Variants in KIR3DL1 observed in about 807,000 individuals in gnomAD.
KIR3DL1 encodes the protein killer cell immunoglobulin-like receptor 3DL1.
KIR3DL1 carries 50 observed loss-of-function variants against 40.3 expected under a neutral mutation model. That is an observed-to-expected ratio of 1.24 (90% CI 0.99 to 1.57). The LOEUF is 1.57. Ranked by LOEUF, KIR3DL1 falls within the 40% of genes most tolerant of loss-of-function variation. The probability of loss-of-function intolerance (pLI) is 0.00; values close to 1 mark genes in which losing one functional copy is unlikely to be tolerated. For missense variants in KIR3DL1, 661 were observed against 559.9 expected, an observed-to-expected ratio of 1.18 and a Z score of -1.82; for synonymous variants, 257 against 207.2, an observed-to-expected ratio of 1.24 and a Z score of -2.07.
At chr19:54,828,957 T>G (rs1289611583) in intron 6 of KIR3DL1, among the ~76,000 whole-genome samples, 2 of 140,778 alleles carry the variant, frequency 1.4e-5, no homozygotes, top group Non-Finnish European at 3.1e-5. Context: ...GGGGGAGCAA[T>G]GGAGCTTCCA....
At chr19:54,819,287 A>G (rs200407247) in intron 3 of KIR3DL1, among the ~76,000 whole-genome samples, 14,846 of 129,994 alleles carry the variant, frequency 0.11, 1,085 homozygotes, top group South Asian at 0.19. Flanking sequence ...GGATAGCCAG[A>G]TGTGGTGGTG....
rs2061947821 is a variant in KIR3DL1 at position 54,827,224 on chromosome 19, T to C, written c.1001-2137T>C. Among the ~76,000 whole-genome samples, 3 of 151,404 alleles carry C rather than the reference T, an allele frequency of 2.0e-5. No individual in the cohort carries two copies. The South Asian group carries it at 6.2e-4, about 31-fold the overall frequency. ...ATTTCTTTCTGAGATTTATTCCTCC[T>C]ACACATAAATCAATACCTGGCAAAG... On this transcript the variant is annotated intron_variant, in intron 6 of 8. Coordinates refer to ENST00000391728, the Ensembl canonical transcript of KIR3DL1.
intron 3 of KIR3DL1, among the ~76,000 whole-genome samples, chr19:54,819,442 G>C (rs1429436335): frequency 6.6e-6 from 1 of 151,186 alleles, no homozygotes; most frequent in Non-Finnish European, 1.5e-5. Context: ...GCAGGAAAGA[G>C]ATTAGTGGGA....
rs1414506660 is a variant in KIR3DL1 at position 54,824,412 on chromosome 19, C to T, written c.950-616C>T. 2.6e-5 allele frequency among the ~76,000 whole-genome samples: 4 copies of T among 151,608 alleles called. No homozygotes were observed. The East Asian group carries it at 5.8e-4, about 22-fold the overall frequency. On this transcript the variant is annotated intron_variant, in intron 5 of 8. Transcript: ENST00000391728. ...ATTAAATGGGCTGGGTATGGTGGCT[C>T]ACACCTGCAATTCCAGCACTTTGGG...
intron 5 of KIR3DL1, among the ~76,000 whole-genome samples, chr19:54,822,452 T>A (rs1332182326): frequency 6.6e-6 from 1 of 150,624 alleles, no homozygotes; most frequent in Non-Finnish European, 1.5e-5. Flanking sequence ...TGTGGGAAAT[T>A]CATCTTTACT....
intron 1 of KIR3DL1, 102 bp from the exon 2 acceptor site, chr19:54,817,432 G>A (rs2061406385): frequency 1.9e-6 from 2 of 1,027,020 alleles, no homozygotes; most frequent in African/African-American, 1.8e-5. Flanking sequence ...TTTACCTTCA[G>A]CCCAGCAAGG....
chr19:54,830,273 T>A (rs747476666), exon 9 of KIR3DL1: 1 of 1,513,564 alleles, frequency 6.6e-7, no homozygotes, highest in Admixed American at 1.8e-5. Flanking sequence ...CTCCTGCCCA[T>A]GAGCACCACA....
rs757666933 is a variant in KIR3DL1 at position 54,820,039 on chromosome 19, T to C, written c.655+27T>C. On this transcript the variant is annotated intron_variant, in intron 4 of 8. Transcript: ENST00000391728. ...TGAGAGTGTCTAGACATTGTTCTCATTGTCACTGGGACACAGAGTGAATGA... is the reference window on the plus strand; with the variant it reads ...TGAGAGTGTCTAGACATTGTTCTCACTGTCACTGGGACACAGAGTGAATGA... The C allele has an allele frequency of 4.3e-5, 68 of 1,599,522 alleles. No individual in the cohort carries two copies. The South Asian group carries it at 7.0e-4, about 16-fold the overall frequency.
intron 6 of KIR3DL1, among the ~76,000 whole-genome samples, chr19:54,828,826 A>G (rs1017537726): frequency 7.0e-6 from 1 of 143,238 alleles, no homozygotes; most frequent in African/African-American, 2.5e-5. Flanking sequence ...TACTGGAAGC[A>G]TGGCACCAGC....
intron 6 of KIR3DL1, among the ~76,000 whole-genome samples, chr19:54,828,667 G>C (rs1328931327): frequency 6.7e-6 from 1 of 149,896 alleles, no homozygotes; most frequent in Non-Finnish European, 1.5e-5. Flanking sequence ...CCTCCAGGAA[G>C]AACAGGAAGA....
intron 3 of KIR3DL1, among the ~76,000 whole-genome samples, chr19:54,819,278 G>T (rs2061511188): frequency 7.4e-6 from 1 of 134,566 alleles, no homozygotes; most frequent in Non-Finnish European, 1.7e-5. Flanking sequence ...ACCAAACAAG[G>T]ATAGCCAGAT....
intron 5 of KIR3DL1, 152 bp from the exon 6 acceptor site, chr19:54,824,876 C>G (rs959778108): frequency 5.2e-6 from 4 of 773,730 alleles, no homozygotes; most frequent in Non-Finnish European, 8.8e-6. Flanking sequence ...CAGTGGGCAT[C>G]GCACACAAAA....
rs1485754137 is a variant in KIR3DL1, at chr19:54,821,052, T to G, written c.656-513T>G. Reference sequence around the variant, plus strand: ...CATAGATATATACATAGATGATACATAAATAGAGACAGAGAGGCAGACAGA... The same window carrying G: ...CATAGATATATACATAGATGATACAGAAATAGAGACAGAGAGGCAGACAGA... On this transcript the variant is annotated intron_variant, in intron 4 of 8. Transcript: ENST00000391728. Among the ~76,000 whole-genome samples the G allele has an allele frequency of 1.3e-5, 2 of 149,340 alleles. 1 individual carries two copies. The highest frequency in any genetic ancestry group is 5.0e-5 in the African/African-American group (2 of 40,336).
chr19:54,828,909 C>A (rs1224684397), intron 6 of KIR3DL1, among the ~76,000 whole-genome samples: 3 of 141,604 alleles, frequency 2.1e-5, no homozygotes, highest in Non-Finnish European at 3.1e-5. Flanking sequence ...TGTGCAGAGA[C>A]CACAGAGATC....
intron 3 of KIR3DL1, 61 bp downstream of exon 3, chr19:54,818,660 TG>T (rs2061480109): frequency 4.5e-6 from 7 of 1,565,444 alleles, no homozygotes; most frequent in Non-Finnish European, 5.2e-6. Flanking sequence ...GAGCTTCTGG[TG>T]GGGGTGTCCG....
At chr19:54,821,925 G>A in intron 5 of KIR3DL1, 67 bp downstream of exon 5, 1 of 1,520,788 alleles carries the variant, frequency 6.6e-7, no homozygotes, top group South Asian at 1.1e-5. Flanking sequence ...GCTTCCTGCT[G>A]ATGATGGAGA....
At chr19:54,828,646 C>A (rs2062033460) in intron 6 of KIR3DL1, among the ~76,000 whole-genome samples, 1 of 150,386 alleles carries the variant, frequency 6.6e-6, no homozygotes, top group East Asian at 1.9e-4. Context: ...TAAAGCACTG[C>A]ATGACGTCCT....
intron 6 of KIR3DL1, among the ~76,000 whole-genome samples, chr19:54,827,470 A>G (rs1289109771): frequency 6.7e-6 from 1 of 150,322 alleles, no homozygotes; most frequent in East Asian, 2.0e-4. Context: ...AAATTAGCCG[A>G]GCATGGTGGT....
rs1457950986 is a variant in KIR3DL1, at chr19:54,817,503, A to T, written c.35-31A>T. On this transcript the variant is annotated intron_variant, in intron 1 of 8. Transcript: ENST00000391728. Reference sequence around the variant, plus strand: ...GCAGGGTGCCCTGGTTTGCCTGCAGAGGGATGGTCCATCATGATCTTTCTT... The same window carrying T: ...GCAGGGTGCCCTGGTTTGCCTGCAGTGGGATGGTCCATCATGATCTTTCTT... The T allele has an allele frequency of 2.0e-5, 30 of 1,484,412 alleles. 1 individual carries two copies. In the East Asian group the frequency reaches 7.5e-4, roughly 37 times the overall value. 92.0% of individuals were successfully genotyped at this position (1,484,412 alleles called of 1,614,324 possible). A position where few individuals can be genotyped will look rare whatever the true frequency, so the allele number is the denominator to read the frequency against.
Sources: allele counts gnomAD v4.1 joint callset (sites outside exome capture counted in the v4.1 genomes callset), GRCh38; gene constraint gnomAD v4.1.1; transcripts MANE v1.5; gene names NCBI Gene and HGNC (gene_info 2026-07-23, HGNC 2026-07-21).